CACNA2D3: variants seen among roughly 807,000 people sequenced by gnomAD.
CACNA2D3 encodes voltage-dependent calcium channel subunit alpha-2/delta-3.
CACNA2D3 carries 60 observed loss-of-function variants against 160.6 expected under a neutral mutation model. The ratio of observed to expected loss-of-function variants is 0.37; its 90% CI spans 0.30 to 0.46. The LOEUF (loss-of-function observed/expected upper bound fraction) is 0.46. Ranked by LOEUF, CACNA2D3 falls within the 20% of genes least tolerant of loss-of-function variation. CACNA2D3 has a pLI of 1.00. For synonymous variants in CACNA2D3, 558 were observed against 492.9 expected (o/e 1.13, Z -1.75); for missense variants, 1,205 against 1,365.0 (o/e 0.88, Z 1.85).
chr3:54,731,304 A>G (rs1045394019), intron 11 of CACNA2D3, among the ~76,000 whole-genome samples: 13 of 152,216 alleles, frequency 8.5e-5, no homozygotes, highest in African/African-American at 2.7e-4. Flanking sequence ...GACATTTTAT[A>G]CGAAGCACAC....
chr3:54,584,104 G>C (rs1404023817), intron 9 of CACNA2D3, among the ~76,000 whole-genome samples: 1 of 151,982 alleles, frequency 6.6e-6, no homozygotes, highest in East Asian at 1.9e-4. Context: ...GAGAATGACT[G>C]CTAAGAGAAA....
chr3:54,288,940 A>G (rs1319869555), intron 2 of CACNA2D3, among the ~76,000 whole-genome samples: 1 of 152,218 alleles, frequency 6.6e-6, no homozygotes, highest in Non-Finnish European at 1.5e-5. Context: ...AGAGCTATCT[A>G]TGACAAACCC....
chr3:54,824,449 C>T (rs963661815), intron 14 of CACNA2D3, among the ~76,000 whole-genome samples: 9 of 152,302 alleles, frequency 5.9e-5, no homozygotes, highest in African/African-American at 2.2e-4. Context: ...ATGACATCTG[C>T]CCAACTTGCT....
chr3:54,167,967 A>AT (rs889150299), intron 2 of CACNA2D3, among the ~76,000 whole-genome samples: 27 of 152,040 alleles, frequency 1.8e-4, no homozygotes, highest in East Asian at 7.7e-4. Context: ...CTTCCTTGTC[A>AT]TTTTTTTTCC....
chr3:54,993,547 A>G (rs1702787057), intron 31 of CACNA2D3, among the ~76,000 whole-genome samples: 1 of 152,226 alleles, frequency 6.6e-6, no homozygotes, highest in African/African-American at 2.4e-5. Context: ...GAGCCCAAGG[A>G]AAGAGCAAGA....
chr3:54,642,074 G>A, intron 10 of CACNA2D3, 54 bp from the exon 11 acceptor site: 3 of 1,164,600 alleles, frequency 2.6e-6, no homozygotes, highest in Non-Finnish European at 3.7e-6. Flanking sequence ...ATTTTTCACT[G>A]ATACACAGAA....
intron 11 of CACNA2D3, among the ~76,000 whole-genome samples, chr3:54,750,372 A>C (rs1464528163): frequency 7.9e-5 from 12 of 152,154 alleles, no homozygotes; most frequent in Non-Finnish European, 1.2e-4. Context: ...TTGTCGGTCT[A>C]GTGTTTCCCC....
At chr3:54,132,478 C>A (rs755873740) in intron 2 of CACNA2D3, among the ~76,000 whole-genome samples, 1 of 152,142 alleles carries the variant, frequency 6.6e-6, no homozygotes, top group African/African-American at 2.4e-5. Flanking sequence ...GCCACCTGGT[C>A]GCCCTGAAGT....
At chr3:54,913,446 C>G (rs1323880702) in intron 27 of CACNA2D3, among the ~76,000 whole-genome samples, 1 of 152,110 alleles carries the variant, frequency 6.6e-6, no homozygotes, top group Non-Finnish European at 1.5e-5. Context: ...GCATCTTAAT[C>G]TAGACTCTAA....
chr3:54,143,221 C>T (rs1396244197), intron 2 of CACNA2D3, among the ~76,000 whole-genome samples: 2 of 152,150 alleles, frequency 1.3e-5, no homozygotes, highest in Non-Finnish European at 2.9e-5. Context: ...AGTGGCTTCC[C>T]CTCAACACAA....
At chr3:54,802,279 C>T (rs1703008948) in intron 13 of CACNA2D3, among the ~76,000 whole-genome samples, 1 of 152,062 alleles carries the variant, frequency 6.6e-6, no homozygotes, top group South Asian at 2.1e-4. Flanking sequence ...GACTGGCACT[C>T]ATGGGAAAGC....
chr3:54,911,278 C>T (rs1700548354), intron 27 of CACNA2D3, among the ~76,000 whole-genome samples: 1 of 145,970 alleles, frequency 6.9e-6, no homozygotes, highest in Admixed American at 6.9e-5. Flanking sequence ...TCTTCCTCTT[C>T]TTCTTTTTCT....
At chr3:54,990,007 G>A (rs893419161) in intron 31 of CACNA2D3, among the ~76,000 whole-genome samples, 6 of 152,142 alleles carry the variant, frequency 3.9e-5, no homozygotes, top group African/African-American at 1.4e-4. Flanking sequence ...GCAGTGAAAG[G>A]ATATAGTTGG....
chr3:54,188,524 C>G (rs1387876283), intron 2 of CACNA2D3, among the ~76,000 whole-genome samples: 1 of 152,204 alleles, frequency 6.6e-6, no homozygotes, highest in Non-Finnish European at 1.5e-5. Context: ...CACCTCTTGA[C>G]TGGTGGCCAG....
At chr3:55,058,630 T>A (rs1316446715) in intron 35 of CACNA2D3, among the ~76,000 whole-genome samples, 1 of 150,676 alleles carries the variant, frequency 6.6e-6, no homozygotes, top group Non-Finnish European at 1.5e-5. Context: ...TATATATATG[T>A]TTTTTTTAAA....
intron 35 of CACNA2D3, among the ~76,000 whole-genome samples, chr3:55,060,296 C>G (rs1226989320): frequency 1.3e-5 from 2 of 152,154 alleles, no homozygotes; most frequent in Non-Finnish European, 2.9e-5. Context: ...TAAAGACTAT[C>G]ATACAATGCC....
chr3:54,728,752 C>T (rs1334390511), intron 11 of CACNA2D3, among the ~76,000 whole-genome samples: 1 of 152,200 alleles, frequency 6.6e-6, no homozygotes, highest in Non-Finnish European at 1.5e-5. Context: ...TTTGTCCTGA[C>T]TCTGCAGGCT....
At chr3:54,460,760 C>T (rs1237700853) in intron 4 of CACNA2D3, among the ~76,000 whole-genome samples, 3 of 152,056 alleles carry the variant, frequency 2.0e-5, no homozygotes, top group Non-Finnish European at 4.4e-5. Flanking sequence ...AATTGAATAC[C>T]CTTTATTTCC....
At chr3:55,007,717 G>T (rs564317103) in intron 32 of CACNA2D3, 73 bp from the exon 33 acceptor site, 2 of 903,726 alleles carry the variant, frequency 2.2e-6, no homozygotes, top group African/African-American at 3.4e-5. Flanking sequence ...TTGTCCTTAT[G>T]TAAAGCCCTA....
Sources: gnomAD v4.1 joint callset for allele counts (sites outside exome capture counted in the v4.1 genomes callset) on GRCh38, gnomAD v4.1.1 for gene constraint, MANE v1.5 for transcripts, NCBI Gene and HGNC (gene_info 2026-07-23, HGNC 2026-07-21) for gene names.